Variants in PTAR1 observed in about 807,000 individuals in gnomAD.
PTAR1 encodes protein prenyltransferase alpha subunit repeat containing 1, also known as protein prenyltransferase alpha subunit repeat-containing protein 1.
Under a neutral mutation model 45.5 loss-of-function variants are expected in PTAR1, and 17 were observed. That is an observed-to-expected ratio of 0.37 (90% CI 0.26 to 0.56). PTAR1 has a LOEUF of 0.56. PTAR1 is among the 20% of genes least tolerant of loss of function. The probability of loss-of-function intolerance (pLI) is 0.77; values close to 1 mark genes in which losing one functional copy is unlikely to be tolerated. For synonymous variants in PTAR1, 169 were observed against 171.3 expected, an observed-to-expected ratio of 0.99 and a Z score of 0.11; for missense variants, 391 against 476.3, an observed-to-expected ratio of 0.82 and a Z score of 1.67.
In PTAR1 at chr9:69,712,832, A is replaced by T. The variant is rs1451482979; in HGVS notation, c.*5510T>A. 1 of 152,146 alleles carries T rather than the reference A, an allele frequency of 6.6e-6. No homozygotes were observed. Among genetic ancestry groups the T allele is most frequent in the Non-Finnish European group, 1.5e-5 (1 of 68,006 alleles). The allele number at this position is 152,146 out of a possible 1,614,324, so 9.4% of individuals were successfully genotyped here. On this transcript the variant is annotated 3_prime_UTR_variant, in exon 8 of 8. Coordinates refer to ENST00000340434, the MANE Select transcript of PTAR1 (RefSeq NM_001099666.2). ...ACTATAACACAGAAATCATTTCCAC[A>T]GAAGACACGAGAATGTTCATACTAG...
intron 5 of PTAR1, among the ~76,000 whole-genome samples, chr9:69,729,141 G>A (rs1239809287): frequency 2.6e-5 from 4 of 151,960 alleles, no homozygotes; most frequent in African/African-American, 4.8e-5. Context: ...CCAACATGGC[G>A]AAACCCCGTC....
intron 1 of PTAR1, 84 bp downstream of exon 1, chr9:69,759,769 C>A: frequency 2.2e-6 from 3 of 1,371,356 alleles, no homozygotes; most frequent in Non-Finnish European, 2.9e-6. Context: ...GCTGTCCGCC[C>A]GCCGCCCGAG....
intron 2 of PTAR1, among the ~76,000 whole-genome samples, chr9:69,748,403 T>TAAA (rs113978279): frequency 2.0e-5 from 3 of 148,252 alleles, no homozygotes; most frequent in Non-Finnish European, 3.0e-5. Context: ...ATCACAGACT[T>TAAA]AAAAAAAAAA....
At chr9:69,744,876 C>T (rs1053478080) in intron 2 of PTAR1, among the ~76,000 whole-genome samples, 7 of 152,140 alleles carry the variant, frequency 4.6e-5, no homozygotes, top group African/African-American at 1.2e-4. Context: ...CAGTCCCTGG[C>T]CAAAAGCAGC....
At chr9:69,741,549 T>G (rs911688859) in intron 3 of PTAR1, 12 of 454,068 alleles carry the variant, frequency 2.6e-5, no homozygotes, top group Non-Finnish European at 4.0e-5. Flanking sequence ...AATAAAAGCA[T>G]GTATCAAACA....
intron 5 of PTAR1, among the ~76,000 whole-genome samples, chr9:69,723,954 G>A (rs1825147226): frequency 6.6e-6 from 1 of 152,042 alleles, no homozygotes; most frequent in Non-Finnish European, 1.5e-5. Context: ...AAATAATGAT[G>A]AGCATTAGGG....
In PTAR1 at chr9:69,715,072, G is replaced by T. The variant is rs1824675731; in HGVS notation, c.*3270C>A. 1 of 151,870 alleles carries T rather than the reference G, an allele frequency of 6.6e-6. No individual in the cohort carries two copies. Among genetic ancestry groups the T allele is most frequent in the South Asian group, 2.1e-4 (1 of 4,820 alleles). 9.4% of individuals were successfully genotyped at this position (151,870 alleles called of 1,614,324 possible). The stretch of plus-strand genomic sequence containing the variant: ...CTAGTATCACAAATGAACAGAAAGT[G>T]GTGTTCTTAATGCAAGTGGGTTCTT... On this transcript the variant is annotated 3_prime_UTR_variant, in exon 8 of 8. Transcript: ENST00000340434.
chr9:69,722,144 C>A (rs1825039275), intron 6 of PTAR1, among the ~76,000 whole-genome samples: 1 of 152,056 alleles, frequency 6.6e-6, no homozygotes, highest in Non-Finnish European at 1.5e-5. Flanking sequence ...GACCAGGTCT[C>A]CTCAAATAAC....
rs529082571 is a variant in PTAR1 at position 69,753,095 on chromosome 9, G to A, written c.87-2145C>T. Among the ~76,000 whole-genome samples, 3 of 151,794 alleles carry A rather than the reference G, an allele frequency of 2.0e-5. No homozygotes were observed. The South Asian group carries it at 6.2e-4, about 32-fold the overall frequency. On this transcript the variant is annotated intron_variant, in intron 1 of 7. Coordinates refer to ENST00000340434, the MANE Select transcript of PTAR1 (RefSeq NM_001099666.2). Reference sequence around the variant, plus strand: ...AACAATATAACTGTTATAGTAACAAGAATAAAAGAATCCTGTTTCTGGGTA... The same window carrying A: ...AACAATATAACTGTTATAGTAACAAAAATAAAAGAATCCTGTTTCTGGGTA...
rs398010830 is a variant in PTAR1 at position 69,734,258 on chromosome 9, TAAAAAAAAAAA to T, written c.324-15_324-5del. ...GCCAGAGAGGATCAGCTCTTTCCTG[TAAAAAAAAAAA>T]AAAAAAAAAAAAAAAATTAAACATT... On this transcript the variant is annotated splice_polypyrimidine_tract_variant and splice_region_variant and intron_variant, in intron 3 of 7. Transcript: ENST00000340434. 50 of 207,698 alleles carry T rather than the reference TAAAAAAAAAAA, an allele frequency of 2.4e-4. No individual in the cohort carries two copies. Among genetic ancestry groups the T allele is most frequent in the Middle Eastern group, 1.6e-3 (1 of 644 alleles). The allele number at this position is 207,698 out of a possible 1,614,324, so 12.9% of individuals were successfully genotyped here. A position where few individuals can be genotyped will look rare whatever the true frequency, so the allele number is the denominator to read the frequency against.
chr9:69,756,300 C>T (rs914483133), intron 1 of PTAR1, among the ~76,000 whole-genome samples: 4 of 152,178 alleles, frequency 2.6e-5, no homozygotes, highest in African/African-American at 9.7e-5. Context: ...TCAGAAAGAA[C>T]CTCTTGACCT....
chr9:69,718,901 G>C (rs1216205815), intron 6 of PTAR1, among the ~76,000 whole-genome samples: 3 of 152,274 alleles, frequency 2.0e-5, no homozygotes, highest in East Asian at 3.9e-4. Flanking sequence ...AGGTTTGTTT[G>C]TGAGAAAGAA....
At chr9:69,719,498 A>G (rs1824887181) in intron 6 of PTAR1, among the ~76,000 whole-genome samples, 1 of 152,186 alleles carries the variant, frequency 6.6e-6, no homozygotes, top group African/African-American at 2.4e-5. Flanking sequence ...AGAGAATTCT[A>G]TTCATTTTCC....
intron 5 of PTAR1, among the ~76,000 whole-genome samples, chr9:69,730,169 G>C (rs1357042590): frequency 6.6e-6 from 1 of 152,084 alleles, no homozygotes. Flanking sequence ...AAGAGATGTT[G>C]CAGTGGCAAG....
At chr9:69,732,622 A>G (rs976314971) in intron 4 of PTAR1, among the ~76,000 whole-genome samples, 3 of 152,164 alleles carry the variant, frequency 2.0e-5, no homozygotes, top group African/African-American at 7.2e-5. Context: ...CATTACTTCT[A>G]AAATGACAAT....
Position 69,713,836 on chromosome 9 carries a change from C to T in PTAR1, c.*4506G>A, listed in dbSNP as rs935724198. On this transcript the variant is annotated 3_prime_UTR_variant, in exon 8 of 8. Transcript: ENST00000340434. The stretch of plus-strand genomic sequence containing the variant: ...ATAACTAATGGAATAATCAAAGCAT[C>T]CTGCCTGCTTATATCAGTCTCTCAC... 1 of 152,120 alleles carries T rather than the reference C, an allele frequency of 6.6e-6. No homozygotes were observed. The highest frequency in any genetic ancestry group is 6.6e-5 in the Admixed American group (1 of 15,242). The allele number at this position is 152,120 out of a possible 1,614,324, so 9.4% of individuals were successfully genotyped here. A position where few individuals can be genotyped will look rare whatever the true frequency, so the allele number is the denominator to read the frequency against.
intron 4 of PTAR1, among the ~76,000 whole-genome samples, chr9:69,732,609 T>C (rs1246506446): frequency 1.3e-5 from 2 of 151,928 alleles, no homozygotes; most frequent in Non-Finnish European, 2.9e-5. Context: ...ATACAGAGAA[T>C]GTCATTACTT....
At chr9:69,759,493 C>T (rs1010558079) in intron 1 of PTAR1, among the ~76,000 whole-genome samples, 1 of 152,298 alleles carries the variant, frequency 6.6e-6, no homozygotes, top group Non-Finnish European at 1.5e-5. Context: ...AAGGCATACA[C>T]GGACCCACAT....
At chr9:69,753,649 A>C (rs959623432) in intron 1 of PTAR1, among the ~76,000 whole-genome samples, 1 of 152,168 alleles carries the variant, frequency 6.6e-6, no homozygotes, top group African/African-American at 2.4e-5. Flanking sequence ...TTCAAATTTT[A>C]TGACTGAGAA....
Sources: allele counts gnomAD v4.1 joint callset (sites outside exome capture counted in the v4.1 genomes callset), GRCh38; gene constraint gnomAD v4.1.1; transcripts MANE v1.5; gene names NCBI Gene and HGNC (gene_info 2026-07-23, HGNC 2026-07-21).